The following SUSD4 variants were observed in gnomAD, a reference collection of about 807,000 sequenced individuals.
The protein encoded by SUSD4 is sushi domain-containing protein 4.
SUSD4 carries 41 observed loss-of-function variants against 50.5 expected under a neutral mutation model. That is an observed-to-expected ratio of 0.81 (90% CI 0.63 to 1.05). The LOEUF is 1.05. Ranked by LOEUF, SUSD4 falls within the 50% of genes least tolerant of loss-of-function variation. The pLI, the probability that SUSD4 is intolerant of heterozygous loss-of-function variation, is 0.00. For missense variants in SUSD4, 580 were observed against 634.7 expected (o/e 0.91, Z 0.93); for synonymous variants, 257 against 257.3 (o/e 1.00, Z 0.01).
At chr1:223,249,310 A>G (rs1661148581) in intron 5 of SUSD4, among the ~76,000 whole-genome samples, 1 of 152,218 alleles carries the variant, frequency 6.6e-6, no homozygotes, top group African/African-American at 2.4e-5. Flanking sequence ...GAGCATTTAG[A>G]GTGGATCATT....
chr1:223,321,828 T>C (rs1249954684), intron 2 of SUSD4, among the ~76,000 whole-genome samples: 1 of 152,274 alleles, frequency 6.6e-6, no homozygotes, highest in Non-Finnish European at 1.5e-5. Flanking sequence ...ATCTGTGATA[T>C]GGCAGTATGT....
intron 3 of SUSD4, among the ~76,000 whole-genome samples, chr1:223,287,619 TC>T (rs1309178834): frequency 6.6e-6 from 1 of 152,128 alleles, no homozygotes; most frequent in East Asian, 1.9e-4. Context: ...TTTAAGGTGT[TC>T]TCAGAACCTG....
In SUSD4 at chr1:223,332,962, G is replaced by C. The variant is rs1423243414; in HGVS notation, c.148+30316C>G. Reference sequence around the variant, plus strand: ...ACTCTGCGTGGAAGCTGCCGCAACTGCACACCACACCCTCCTCTCCCACAC... The same window carrying C: ...ACTCTGCGTGGAAGCTGCCGCAACTCCACACCACACCCTCCTCTCCCACAC... On this transcript the variant is annotated intron_variant, in intron 2 of 8. Transcript: ENST00000366878. The surrounding 1 kb of genome is among the most constrained non-coding windows in gnomAD (Gnocchi z 4.0). Among the ~76,000 whole-genome samples, 1 of 152,094 alleles carries C rather than the reference G, an allele frequency of 6.6e-6. No individual in the cohort carries two copies.
rs1659618321 is a variant in SUSD4, at chr1:223,227,787, G to A, written c.917-49C>T. The A allele has an allele frequency of 3.2e-6, 5 of 1,552,382 alleles. No individual in the cohort carries two copies. In the South Asian group the frequency reaches 5.9e-5, roughly 18 times the overall value. On this transcript the variant is annotated intron_variant, in intron 6 of 8. Transcript: ENST00000366878. The surrounding 1 kb of genome is among the most constrained non-coding windows in gnomAD (Gnocchi z 4.5). ...TACGTGAGGCTCCCAGACCATGAGA[G>A]GTGCCGAGGTTCCCCGTGGGCTCAT...
chr1:223,363,471 A>T lies in SUSD4; in HGVS notation c.-35-11T>A, dbSNP rs1211937706. On this transcript the variant is annotated splice_polypyrimidine_tract_variant and intron_variant, in intron 1 of 8. Coordinates refer to ENST00000366878, the MANE Select transcript of SUSD4 (RefSeq NM_017982.4). ...CCAGCTTGCAAGAGTCTGCAACCAG[A>T]AGCGGAACACCACAATAAGCCAGTC... 61 of 1,485,712 alleles carry T rather than the reference A, an allele frequency of 4.1e-5. No individual in the cohort carries two copies. Among genetic ancestry groups the T allele is most frequent in the Admixed American group, 8.3e-5 (4 of 48,206 alleles). The allele number at this position is 1,485,712 out of a possible 1,614,324, so 92.0% of individuals were successfully genotyped here.
chr1:223,272,376 G>A (rs1014508599), intron 3 of SUSD4, among the ~76,000 whole-genome samples: 2 of 152,214 alleles, frequency 1.3e-5, no homozygotes, highest in East Asian at 3.9e-4. Context: ...CCTGCTTCTG[G>A]TATCAATGGG....
intron 3 of SUSD4, among the ~76,000 whole-genome samples, chr1:223,270,136 T>TA (rs1662805004): frequency 1.3e-5 from 2 of 152,082 alleles, no homozygotes; most frequent in South Asian, 4.1e-4. Flanking sequence ...GCTTCCAAGT[T>TA]AGAGGAGAGC....
In SUSD4 at chr1:223,223,396, C is replaced by T. The variant is rs202158117; in HGVS notation, c.1297G>A (p.Val433Ile). 8.1e-5 allele frequency: 131 copies of T among 1,613,704 alleles called. No homozygotes were observed. Among genetic ancestry groups the T allele is most frequent in the East Asian group, 2.5e-4 (11 of 44,882 alleles). ...TGGAGCAGCTCAGAAGAGCCTGAGA[C>T]GCTGTCACAGGTTTCTGACTCCCCT... Reference protein sequence around the residue: ...GPGESETCDSVSGSSELLQSL... With the variant: ...GPGESETCDSISGSSELLQSL... Residue 433 changes from valine to isoleucine, a missense_variant, in exon 8 of 9, where the codon GTC becomes ATC. By Grantham distance (29) the Val-to-Ile change is conservative. Coordinates refer to ENST00000366878, the MANE Select transcript of SUSD4 (RefSeq NM_017982.4).
chr1:223,242,431 T>C (rs1242182873), intron 5 of SUSD4, among the ~76,000 whole-genome samples: 3 of 152,206 alleles, frequency 2.0e-5, no homozygotes, highest in African/African-American at 7.2e-5. Flanking sequence ...GTCCAAGAAA[T>C]AAGAGCAGCA....
At chr1:223,325,045 G>A (rs1666794404) in intron 2 of SUSD4, among the ~76,000 whole-genome samples, 1 of 152,124 alleles carries the variant, frequency 6.6e-6, no homozygotes, top group African/African-American at 2.4e-5. Flanking sequence ...CCAAGTGGGG[G>A]AAGAAACCAA....
intron 3 of SUSD4, among the ~76,000 whole-genome samples, chr1:223,286,574 G>T (rs1664156295): frequency 1.3e-5 from 2 of 152,168 alleles, no homozygotes; most frequent in African/African-American, 4.8e-5. Flanking sequence ...ATCTTAACCA[G>T]ACCACCTGTC....
intron 2 of SUSD4, chr1:223,359,059 T>C: frequency 2.1e-6 from 1 of 471,108 alleles, no homozygotes; most frequent in South Asian, 1.5e-5. Context: ...TCAGCTGCAC[T>C]AGGACCATGA....
upstream of SUSD4, among the ~76,000 whole-genome samples, chr1:223,365,158 G>C (rs1572154201): frequency 6.6e-6 from 1 of 152,090 alleles, no homozygotes; most frequent in South Asian, 2.1e-4. Flanking sequence ...GGTGGTAATT[G>C]CCCTCCCAGC....
At position 223,331,969 on chromosome 1, in the gene SUSD4, C is replaced by T. The variant is rs145565880; in HGVS notation, c.148+31309G>A. Among the ~76,000 whole-genome samples the T allele has an allele frequency of 4.9e-3, 742 of 152,334 alleles. 5 individuals are homozygous for T. Among genetic ancestry groups the T allele is most frequent in the African/African-American group, 0.017 (716 of 41,574 alleles). On this transcript the variant is annotated intron_variant, in intron 2 of 8. Coordinates refer to ENST00000366878, the MANE Select transcript of SUSD4 (RefSeq NM_017982.4). ...TTTGAAATCCCAGTTTCCCATCCCCCTCACCATGCTGACCTCTCACCTGTG... is the reference window on the plus strand; with the variant it reads ...TTTGAAATCCCAGTTTCCCATCCCCTTCACCATGCTGACCTCTCACCTGTG...
At chr1:223,343,555 A>G (rs1667873122) in intron 2 of SUSD4, among the ~76,000 whole-genome samples, 1 of 152,220 alleles carries the variant, frequency 6.6e-6, no homozygotes, top group Non-Finnish European at 1.5e-5. Context: ...AATATGATAT[A>G]TTGTTAAGTA....
intron 2 of SUSD4, among the ~76,000 whole-genome samples, chr1:223,349,659 A>G (rs1409699577): frequency 6.6e-6 from 1 of 152,174 alleles, no homozygotes; most frequent in Admixed American, 6.5e-5. Context: ...AAACACTGGC[A>G]GTTTCATATG....
chr1:223,338,808 G>A (rs1035001492), intron 2 of SUSD4, among the ~76,000 whole-genome samples: 2 of 152,218 alleles, frequency 1.3e-5, no homozygotes, highest in African/African-American at 4.8e-5. Flanking sequence ...GAGGCAATCT[G>A]AGGGAAGAAT....
intron 2 of SUSD4, among the ~76,000 whole-genome samples, chr1:223,341,466 C>G (rs940268226): frequency 6.8e-6 from 1 of 148,084 alleles, no homozygotes; most frequent in Admixed American, 6.7e-5. Flanking sequence ...CACCCCCTCT[C>G]TGTCCTCCCC....
intron 3 of SUSD4, among the ~76,000 whole-genome samples, chr1:223,290,877 G>C (rs983322350): frequency 5.3e-5 from 8 of 152,008 alleles, no homozygotes; most frequent in African/African-American, 1.9e-4. Flanking sequence ...TCTGTTCTCT[G>C]ATGTTCCTAA....
Sources: gnomAD v4.1 joint callset for allele counts (sites outside exome capture counted in the v4.1 genomes callset) on GRCh38, gnomAD v4.1.1 for gene constraint, Gnocchi (gnomAD v3.1) non-coding constraint, MANE v1.5 for transcripts, NCBI Gene and HGNC (gene_info 2026-07-23, HGNC 2026-07-21) for gene names.